The following HNF1B variants were observed in gnomAD, a reference collection of about 807,000 sequenced individuals.
HNF1B encodes the protein hepatocyte nuclear factor 1-beta.
A neutral mutation model predicts 61.7 loss-of-function variants in HNF1B; 8 were observed. The ratio of observed to expected loss-of-function variants is 0.13; its 90% confidence interval spans 0.08 to 0.23. The LOEUF is 0.23. Among genes scored for constraint, HNF1B ranks in the 10% least tolerant of loss-of-function variants. HNF1B has a pLI of 1.00. For synonymous variants in HNF1B, 314 were observed against 287.7 expected (o/e 1.09, Z -0.93); for missense variants, 562 against 714.5 (o/e 0.79, Z 2.43).
chr17:37,697,306 T>C (rs2032418287), intron 8 of HNF1B, among the ~76,000 whole-genome samples: 1 of 152,202 alleles, frequency 6.6e-6, no homozygotes, highest in African/African-American at 2.4e-5. Context: ...AATGAGTCTA[T>C]TGCCAGACTC....
At chr17:37,687,420 C>T (rs778889369) in intron 8 of HNF1B, 28 bp from the exon 9 acceptor site, 1 of 1,562,518 alleles carries the variant, frequency 6.4e-7, no homozygotes, top group South Asian at 1.1e-5. Flanking sequence ...AGAGGGTGCT[C>T]AGCTGTGTCA....
At chr17:37,709,649 G>A (rs1390631852) in intron 5 of HNF1B, among the ~76,000 whole-genome samples, 2 of 152,096 alleles carry the variant, frequency 1.3e-5, no homozygotes, top group African/African-American at 2.4e-5. Context: ...CTGTGGTTAC[G>A]GATATAGAAA....
At chr17:37,722,867 T>A (rs1185219217) in intron 4 of HNF1B, among the ~76,000 whole-genome samples, 1 of 152,148 alleles carries the variant, frequency 6.6e-6, no homozygotes, top group African/African-American at 2.4e-5. Context: ...TTGCTCACCG[T>A]GGGGCTGTGT....
At chr17:37,742,171 A>G (rs1229492556) in intron 1 of HNF1B, among the ~76,000 whole-genome samples, 1 of 152,218 alleles carries the variant, frequency 6.6e-6, no homozygotes, top group Non-Finnish European at 1.5e-5. Context: ...TTTGCTGCCC[A>G]CGAGCAGAGA....
intron 2 of HNF1B, among the ~76,000 whole-genome samples, chr17:37,738,034 G>A (rs1188648200): frequency 1.1e-4 from 16 of 152,130 alleles, no homozygotes; most frequent in Admixed American, 1.0e-3. Flanking sequence ...ATACAGAGAG[G>A]CAGCACAGAC....
At chr17:37,731,218 A>G (rs1859887962) in intron 4 of HNF1B, 1 of 382,942 alleles carries the variant, frequency 2.6e-6, no homozygotes, top group South Asian at 2.5e-5. Flanking sequence ...CCTCCAACAC[A>G]GTGAGGGTTG....
chr17:37,726,473 G>A (rs1213129064), intron 4 of HNF1B, among the ~76,000 whole-genome samples: 3 of 152,170 alleles, frequency 2.0e-5, no homozygotes, highest in Non-Finnish European at 4.4e-5. Context: ...AATTCCTCTC[G>A]TTGAGTCACT....
intron 8 of HNF1B, among the ~76,000 whole-genome samples, chr17:37,693,083 G>A (rs2032260179): frequency 6.6e-6 from 1 of 151,622 alleles, no homozygotes; most frequent in Non-Finnish European, 1.5e-5. Flanking sequence ...CCAGTTACTT[G>A]GGAGGCTGAG....
intron 8 of HNF1B, among the ~76,000 whole-genome samples, chr17:37,694,069 C>T (rs1441575803): frequency 6.6e-6 from 1 of 152,178 alleles, no homozygotes; most frequent in Non-Finnish European, 1.5e-5. Context: ...TCAGGTATTC[C>T]TTTATAGTGA....
intron 8 of HNF1B, among the ~76,000 whole-genome samples, chr17:37,696,342 C>T (rs1022475178): frequency 7.9e-5 from 12 of 152,056 alleles, no homozygotes; most frequent in Non-Finnish European, 1.0e-4. Flanking sequence ...GAGGCTGAGG[C>T]GGGAGGACTG....
At chr17:37,704,020 A>G (rs917006232) in intron 6 of HNF1B, among the ~76,000 whole-genome samples, 3 of 152,216 alleles carry the variant, frequency 2.0e-5, no homozygotes, top group African/African-American at 7.2e-5. Flanking sequence ...AAGATGACCA[A>G]TGTGTTACCC....
At chr17:37,690,105 GA>G (rs1476642826) in intron 8 of HNF1B, among the ~76,000 whole-genome samples, 3 of 152,046 alleles carry the variant, frequency 2.0e-5, no homozygotes, top group Admixed American at 1.3e-4. Context: ...GCAGCTTGAG[GA>G]AAAAGAGATT....
chr17:37,731,067 C>T (rs111948733), intron 4 of HNF1B: 2 of 194,400 alleles, frequency 1.0e-5, no homozygotes, highest in Non-Finnish European at 2.2e-5. Flanking sequence ...CCCCACCAAC[C>T]CTGATGACAC....
intron 8 of HNF1B, among the ~76,000 whole-genome samples, chr17:37,695,915 T>G (rs1482516360): frequency 2.0e-5 from 3 of 152,212 alleles, no homozygotes; most frequent in Non-Finnish European, 2.9e-5. Context: ...AATGCTGTAA[T>G]GAGTTAAGAC....
chr17:37,743,442 T>G (rs1049325847), intron 1 of HNF1B, among the ~76,000 whole-genome samples: 1 of 152,358 alleles, frequency 6.6e-6, no homozygotes, highest in Non-Finnish European at 1.5e-5. Context: ...AAAAAAAATC[T>G]ACAAGTTCCC....
At chr17:37,701,263 G>A (rs1386841787) in intron 6 of HNF1B, 86 bp from the exon 7 acceptor site, 1 of 1,301,710 alleles carries the variant, frequency 7.7e-7, no homozygotes, top group East Asian at 2.5e-5. Context: ...CCCGCTCAAT[G>A]TCCCAGTCAC....
At chr17:37,742,645 T>A (rs949491134) in intron 1 of HNF1B, among the ~76,000 whole-genome samples, 1 of 152,058 alleles carries the variant, frequency 6.6e-6, no homozygotes, top group Non-Finnish European at 1.5e-5. Flanking sequence ...GGCGAGGGTC[T>A]CCGGCTCCCC....
At chr17:37,740,840 A>G (rs530024705) in intron 1 of HNF1B, among the ~76,000 whole-genome samples, 1 of 152,356 alleles carries the variant, frequency 6.6e-6, no homozygotes, top group African/African-American at 2.4e-5. Context: ...TAGTTTTAGC[A>G]CCTTTGAATT....
intron 4 of HNF1B, among the ~76,000 whole-genome samples, chr17:37,716,639 T>A (rs780408063): frequency 7.9e-5 from 12 of 152,204 alleles, no homozygotes; most frequent in Non-Finnish European, 1.6e-4. Flanking sequence ...AAGACAAACA[T>A]GACTGCCTTG....
Sources: allele counts gnomAD v4.1 joint callset (sites outside exome capture counted in the v4.1 genomes callset), GRCh38; gene constraint gnomAD v4.1.1; transcripts MANE v1.5; gene names NCBI Gene and HGNC (gene_info 2026-07-23, HGNC 2026-07-21).